The following UGT1A8 variants were observed in gnomAD, a reference collection of about 807,000 sequenced individuals.
The protein encoded by UGT1A8 is UDP glucuronosyltransferase family 1 member A8, also known as UDP-glucuronosyltransferase 1A8.
A neutral mutation model predicts 45.3 loss-of-function variants in UGT1A8; 39 were observed. The observed-to-expected ratio is 0.86, with a 90% confidence interval of 0.67 to 1.12. UGT1A8 has a LOEUF of 1.12. UGT1A8 is among the 50% of genes most tolerant of loss of function. UGT1A8 has a pLI of 0.00. For synonymous variants in UGT1A8, 275 were observed against 249.2 expected (o/e 1.10, Z -0.97); for missense variants, 719 against 664.9 (o/e 1.08, Z -0.90).
At chr2:233,637,222 A>T (rs1216379906) in intron 1 of UGT1A8, 3 of 1,613,852 alleles carry the variant, frequency 1.9e-6, no homozygotes, top group Admixed American at 1.7e-5. Context: ...AGCCTCTGAA[A>T]TTCTCCAAAC....
At chr2:233,655,050 C>A (rs572089234) in intron 1 of UGT1A8, among the ~76,000 whole-genome samples, 1 of 152,136 alleles carries the variant, frequency 6.6e-6, no homozygotes, top group African/African-American at 2.4e-5. Flanking sequence ...GATCATACCA[C>A]TGCACTCCAG....
chr2:233,754,587 G>A (rs1339334824), intron 1 of UGT1A8: 1 of 428,154 alleles, frequency 2.3e-6, no homozygotes, highest in Non-Finnish European at 4.7e-6. Flanking sequence ...CGTTTATTAT[G>A]AAGGACTTTA....
chr2:233,624,964 T>C (rs1322452151), intron 1 of UGT1A8, among the ~76,000 whole-genome samples: 6 of 152,102 alleles, frequency 3.9e-5, no homozygotes, highest in Non-Finnish European at 7.4e-5. Flanking sequence ...CCCTGAACAA[T>C]GTGGGAATGA....
Position 233,671,948 on chromosome 2 carries a change from G to A in UGT1A8, c.855+53386G>A, listed in dbSNP as rs757109051. 4.3e-6 allele frequency: 7 copies of A among 1,612,378 alleles called. No individual in the cohort carries two copies. In the African/African-American group the frequency reaches 8.0e-5, roughly 18 times the overall value. On this transcript the variant is annotated intron_variant, in intron 1 of 4. Transcript: ENST00000373450. Reference sequence around the variant, plus strand: ...TGCAGTTCTCTGATGGCTTGCACAGGGTGGACCAGCCCCCTTCCTCTATGT... The same window carrying A: ...TGCAGTTCTCTGATGGCTTGCACAGAGTGGACCAGCCCCCTTCCTCTATGT...
At chr2:233,622,133 A>G (rs1009570713) in intron 1 of UGT1A8, among the ~76,000 whole-genome samples, 2 of 152,146 alleles carry the variant, frequency 1.3e-5, no homozygotes, top group African/African-American at 4.8e-5. Context: ...TCTATCATTG[A>G]TGAACATTTC....
intron 1 of UGT1A8, among the ~76,000 whole-genome samples, chr2:233,724,270 G>C (rs1404305230): frequency 7.4e-6 from 1 of 134,526 alleles, no homozygotes; most frequent in African/African-American, 2.8e-5. Context: ...CGGACGGGGC[G>C]GCTGGCCGGG....
intron 1 of UGT1A8, among the ~76,000 whole-genome samples, chr2:233,752,890 C>G (rs537828663): frequency 5.9e-5 from 9 of 152,204 alleles, no homozygotes; most frequent in African/African-American, 1.7e-4. Flanking sequence ...AACTAGCCAG[C>G]GTTGTTACAG....
At chr2:233,627,637 C>CTTCCTTCG (rs2073110592) in intron 1 of UGT1A8, among the ~76,000 whole-genome samples, 1 of 122,528 alleles carries the variant, frequency 8.2e-6, no homozygotes, top group African/African-American at 3.4e-5. Flanking sequence ...TCCTTCCTTC[C>CTTCCTTCG]TTCCTTCCTT....
chr2:233,772,248 G>C lies in UGT1A8; in HGVS notation c.1296-14G>C. 2 of 1,614,220 alleles carry C rather than the reference G, an allele frequency of 1.2e-6. No homozygotes were observed. Among genetic ancestry groups the C allele is most frequent in the Non-Finnish European group, 1.7e-6 (2 of 1,180,034 alleles). ...CAGGTGTTCCAGGCATAACGAAACT[G>C]TCTTTGTGTTTAGTTACAAGGAGAA... On this transcript the variant is annotated splice_polypyrimidine_tract_variant and intron_variant, in intron 4 of 4. Transcript: ENST00000373450.
intron 1 of UGT1A8, among the ~76,000 whole-genome samples, chr2:233,715,081 T>C (rs2076431286): frequency 1.3e-5 from 2 of 152,268 alleles, no homozygotes; most frequent in South Asian, 4.1e-4. Flanking sequence ...AGATGGAGTT[T>C]CATCATATTG....
chr2:233,690,681 C>T (rs533534130), intron 1 of UGT1A8: 1 of 1,259,556 alleles, frequency 7.9e-7, no homozygotes, highest in Admixed American at 2.8e-5. Context: ...CCTGGGTCTC[C>T]AGCGGAGCTA....
At chr2:233,765,999 C>G (rs1036845415) in intron 1 of UGT1A8, among the ~76,000 whole-genome samples, 1 of 151,990 alleles carries the variant, frequency 6.6e-6, no homozygotes, top group Non-Finnish European at 1.5e-5. Flanking sequence ...CTCCAGTGGG[C>G]GTGGGTTATG....
chr2:233,631,242 G>C (rs563417722), intron 1 of UGT1A8, among the ~76,000 whole-genome samples: 1 of 152,084 alleles, frequency 6.6e-6, no homozygotes, highest in Non-Finnish European at 1.5e-5. Flanking sequence ...GGCTATCATT[G>C]ATGGGCATTT....
intron 1 of UGT1A8, among the ~76,000 whole-genome samples, chr2:233,674,909 T>C (rs939659535): frequency 2.0e-5 from 3 of 152,226 alleles, no homozygotes; most frequent in African/African-American, 7.2e-5. Flanking sequence ...TTGTTTCAGA[T>C]GCCAGGATGT....
At chr2:233,730,052 G>T in intron 1 of UGT1A8, 3 of 1,612,052 alleles carry the variant, frequency 1.9e-6, no homozygotes, top group Non-Finnish European at 2.5e-6. Flanking sequence ...TTAAAAAAAT[G>T]TATTTATTTA....
intron 1 of UGT1A8, among the ~76,000 whole-genome samples, chr2:233,637,724 A>G (rs1188065942): frequency 6.6e-6 from 1 of 152,170 alleles, no homozygotes; most frequent in Non-Finnish European, 1.5e-5. Context: ...TTTTGTGTAC[A>G]TTCTTTTCAT....
intron 1 of UGT1A8, among the ~76,000 whole-genome samples, chr2:233,666,891 C>G (rs576295433): frequency 6.7e-6 from 1 of 149,728 alleles, no homozygotes; most frequent in East Asian, 2.0e-4. Flanking sequence ...TGAGTGAGAA[C>G]ATGCGGTGTT....
chr2:233,637,195 A>T (rs1381937455), intron 1 of UGT1A8: 1 of 1,613,986 alleles, frequency 6.2e-7, no homozygotes, highest in African/African-American at 1.3e-5. Flanking sequence ...GTATCTTTTT[A>T]GAAATGCCCT....
chr2:233,755,038 C>A (rs751084795), intron 1 of UGT1A8: 1 of 1,320,112 alleles, frequency 7.6e-7, no homozygotes, highest in South Asian at 1.1e-5. Flanking sequence ...CTGCCGCCTG[C>A]GCAGCCGCCC....
Sources: allele counts gnomAD v4.1 joint callset (sites outside exome capture counted in the v4.1 genomes callset), GRCh38; gene constraint gnomAD v4.1.1; transcripts MANE v1.5; gene names NCBI Gene and HGNC (gene_info 2026-07-23, HGNC 2026-07-21).